Variants in CYLC2 observed in about 807,000 individuals in gnomAD.
CYLC2 encodes the protein cylicin 2, also known as cylicin-2.
CYLC2 carries 30 observed loss-of-function variants against 26.1 expected under a neutral mutation model. That is an observed-to-expected ratio of 1.15 (90% CI 0.86 to 1.56). CYLC2 has a LOEUF of 1.56. Among genes scored for constraint, CYLC2 ranks in the 40% most tolerant of loss-of-function variants. The pLI, the probability that CYLC2 is intolerant of heterozygous loss-of-function variation, is 0.00. For missense variants in CYLC2, 498 were observed against 394.4 expected (o/e 1.26, Z -2.23); for synonymous variants, 158 against 132.8 (o/e 1.19, Z -1.31).
At chr9:103,002,454 C>A (rs2118231513) in intron 2 of CYLC2, among the ~76,000 whole-genome samples, 1 of 148,354 alleles carries the variant, frequency 6.7e-6, no homozygotes, top group African/African-American at 2.5e-5. Context: ...CAAGCTCTGC[C>A]TCCTGGGTTC....
At chr9:103,013,192 A>AAATATATATTTAATATATG (rs780840993) in intron 6 of CYLC2, among the ~76,000 whole-genome samples, 3 of 132,644 alleles carry the variant, frequency 2.3e-5, no homozygotes, top group Non-Finnish European at 4.7e-5. Flanking sequence ...TATATTATAT[A>AAATATATATTTAATATATG]TAACATATTA....
intron 1 of CYLC2, among the ~76,000 whole-genome samples, chr9:102,995,750 T>A (rs1457746314): frequency 1.3e-5 from 2 of 151,862 alleles, no homozygotes; most frequent in African/African-American, 4.8e-5. Flanking sequence ...CTGTGAATAT[T>A]TTTTGTGTAT....
chr9:103,000,454 A>G (rs1407590336), intron 1 of CYLC2, among the ~76,000 whole-genome samples: 1 of 152,056 alleles, frequency 6.6e-6, no homozygotes, highest in Non-Finnish European at 1.5e-5. Context: ...TTGGGTATCA[A>G]CATTTCTTCT....
intron 1 of CYLC2, among the ~76,000 whole-genome samples, chr9:102,995,847 T>C (rs10990414): frequency 0.053 from 8,080 of 151,948 alleles, 340 homozygotes; most frequent in Admixed American, 0.13. Flanking sequence ...GGCAGCTCTA[T>C]CCAAATGTGA....
chr9:103,004,780 CTGTT>C lies in CYLC2; in HGVS notation c.268_271del (p.Val90IlefsTer2). On this transcript the variant is annotated frameshift_variant, in exon 4 of 8. Coordinates refer to ENST00000374798, the MANE Select transcript of CYLC2 (RefSeq NM_001340.5). LOFTEE classifies it high-confidence loss of function. ...TTAATGAGAATTTCTGAGAGACCATCTGTTTATTTAGCTGCCAGGAGGCAGCCTC... is the reference window on the plus strand; with the variant it reads ...TTAATGAGAATTTCTGAGAGACCATCTATTTAGCTGCCAGGAGGCAGCCTC... 1 of 1,612,626 alleles carries C rather than the reference CTGTT, an allele frequency of 6.2e-7. No homozygotes were observed. The highest frequency in any genetic ancestry group is 8.5e-7 in the Non-Finnish European group (1 of 1,179,272).
chr9:103,011,985 C>T lies in CYLC2; in HGVS notation c.*704C>T, dbSNP rs550847940. ...TTTTTTTTTTTTTTTGATCGAGTCT[C>T]GCTCTGTTGCCCTGGCTGGAGTTCA... On this transcript the variant is annotated 3_prime_UTR_variant, in exon 6 of 8. Coordinates refer to ENST00000374798, the MANE Select transcript of CYLC2 (RefSeq NM_001340.5). 8.2e-5 allele frequency: 9 copies of T among 110,038 alleles called. No homozygotes were observed. Among genetic ancestry groups the T allele is most frequent in the South Asian group, 3.1e-4 (1 of 3,194 alleles). The allele number at this position is 110,038 out of a possible 1,614,324, so 6.8% of individuals were successfully genotyped here.
chr9:103,015,360 CATATT>C (rs1438542751), intron 6 of CYLC2, among the ~76,000 whole-genome samples: 6 of 111,140 alleles, frequency 5.4e-5, no homozygotes, highest in African/African-American at 1.4e-4. Flanking sequence ...TATATATAAT[CATATT>C]ATATAATGTA....
intron 5 of CYLC2, among the ~76,000 whole-genome samples, chr9:103,006,990 T>A (rs1159383015): frequency 2.6e-5 from 4 of 152,132 alleles, no homozygotes; most frequent in African/African-American, 9.6e-5. Flanking sequence ...GATTCCACAA[T>A]GTATACATGC....
chr9:103,012,840 T>G (rs911729343), intron 6 of CYLC2, among the ~76,000 whole-genome samples: 1 of 151,580 alleles, frequency 6.6e-6, no homozygotes, highest in Non-Finnish European at 1.5e-5. Flanking sequence ...AGTCATCATA[T>G]GAGCAGTTTT....
chr9:102,997,808 T>TAGATTAAAATATAACCC (rs1256505045), intron 1 of CYLC2, among the ~76,000 whole-genome samples: 2 of 151,938 alleles, frequency 1.3e-5, no homozygotes, highest in Non-Finnish European at 2.9e-5. Flanking sequence ...ATTTTGTATT[T>TAGATTAAAATATAACCC]AGATTAAAAT....
At chr9:103,008,106 C>T (rs1829370271) in intron 5 of CYLC2, among the ~76,000 whole-genome samples, 2 of 152,048 alleles carry the variant, frequency 1.3e-5, no homozygotes, top group Admixed American at 6.6e-5. Context: ...GGAAATGTTA[C>T]CATCTCTCTG....
chr9:103,013,164 A>ATATAAATATATATTTAATATATTC (rs1829428800), intron 6 of CYLC2, among the ~76,000 whole-genome samples: 1 of 135,952 alleles, frequency 7.4e-6, no homozygotes, highest in Non-Finnish European at 1.5e-5. Flanking sequence ...AATATATATT[A>ATATAAATATATATTTAATATATTC]TATAAATATA....
chr9:103,011,355 T>C (rs79798539), intron 5 of CYLC2, among the ~76,000 whole-genome samples: 2,153 of 152,210 alleles, frequency 0.014, 55 homozygotes, highest in African/African-American at 0.047. Context: ...GGACATGAAA[T>C]ACTTACGTTT....
At position 103,004,822 on chromosome 9, in the gene CYLC2, G is replaced by A. The variant is rs374978801; in HGVS notation, c.308G>A (p.Arg103His). 2.2e-5 allele frequency: 36 copies of A among 1,611,832 alleles called. No individual in the cohort carries two copies. The highest frequency in any genetic ancestry group is 6.7e-5 in the African/African-American group (5 of 74,738). ...AARRQPLKPT[R>H]TVEVDSKAAE... ...AGGAGGCAGCCTCTCAAACCAACTC[G>A]TACTGTCGAGGTGGATTCTAAAGCA... is the stretch of plus-strand genomic sequence containing the variant. The change falls in exon 4 of 8, where the codon CGT (arginine) becomes CAT (histidine). Residue 103 changes from arginine (R) to histidine (H), a missense_variant. By Grantham distance (29) the Arg-to-His change is conservative. Transcript: ENST00000374798.
chr9:103,017,647 T>A (rs1829521170), intron 7 of CYLC2, among the ~76,000 whole-genome samples: 1 of 152,074 alleles, frequency 6.6e-6, no homozygotes, highest in South Asian at 2.1e-4. Context: ...CTCTGTAACT[T>A]TTCCTAGATA....
At chr9:103,010,688 T>G (rs1829397456) in intron 5 of CYLC2, 1 of 152,086 alleles carries the variant, frequency 6.6e-6, no homozygotes, top group Non-Finnish European at 1.5e-5. Flanking sequence ...AAAATTATAT[T>G]ATTAGTTTAA....
chr9:103,017,459 A>C (rs1829519006), intron 7 of CYLC2, among the ~76,000 whole-genome samples: 2 of 152,036 alleles, frequency 1.3e-5, no homozygotes, highest in Admixed American at 1.3e-4. Context: ...ATTGCTCCTA[A>C]TTTGGTTTAC....
chr9:102,998,949 A>G (rs1466445919), intron 1 of CYLC2, among the ~76,000 whole-genome samples: 2 of 151,922 alleles, frequency 1.3e-5, no homozygotes, highest in African/African-American at 4.8e-5. Context: ...TAAGTAATTT[A>G]TTCCTTTCGA....
At chr9:103,017,112 G>C (rs557040750) in intron 7 of CYLC2, among the ~76,000 whole-genome samples, 151 bp downstream of exon 7, 1 of 151,376 alleles carries the variant, frequency 6.6e-6, no homozygotes, top group Non-Finnish European at 1.5e-5. Context: ...AAGTGGCTTT[G>C]CTTTGATGAT....
Sources: gnomAD v4.1 joint callset for allele counts (sites outside exome capture counted in the v4.1 genomes callset) on GRCh38, gnomAD v4.1.1 for gene constraint, MANE v1.5 for transcripts, NCBI Gene and HGNC (gene_info 2026-07-23, HGNC 2026-07-21) for gene names.